The following WNT2 variants were observed in gnomAD, a reference collection of about 807,000 sequenced individuals.
The protein encoded by WNT2 is Wnt family member 2, also known as protein Wnt-2.
In WNT2, 12 loss-of-function variants were observed where a neutral mutation model predicts 36.9. That is an observed-to-expected ratio of 0.33 (90% confidence interval 0.21 to 0.53). WNT2 has a LOEUF of 0.53. Among genes scored for constraint, WNT2 ranks in the 20% least tolerant of loss-of-function variants. The probability of loss-of-function intolerance (pLI) is 0.95; values close to 1 mark genes in which losing one functional copy is unlikely to be tolerated. For missense variants in WNT2, 379 were observed against 473.1 expected, an observed-to-expected ratio of 0.80 and a Z score of 1.84; for synonymous variants, 163 against 174.6, an observed-to-expected ratio of 0.93 and a Z score of 0.52.
At chr7:117,321,262 A>T (rs577357446) in intron 1 of WNT2, among the ~76,000 whole-genome samples, 2 of 152,152 alleles carry the variant, frequency 1.3e-5, no homozygotes, top group African/African-American at 2.4e-5. Context: ...TGTCTTAAAA[A>T]CTGTCTGTAT....
intron 4 of WNT2, among the ~76,000 whole-genome samples, chr7:117,288,814 G>A (rs1460736329): frequency 2.6e-5 from 4 of 151,854 alleles, no homozygotes. Flanking sequence ...TAAAAATATA[G>A]TAATTCTACT....
chr7:117,293,639 G>A (rs545449206), intron 4 of WNT2, among the ~76,000 whole-genome samples: 1 of 152,222 alleles, frequency 6.6e-6, no homozygotes, highest in East Asian at 1.9e-4. Context: ...CTTTTGACTT[G>A]TTTTGGAGCC....
At chr7:117,320,173 A>G (rs1235239072) in intron 2 of WNT2, among the ~76,000 whole-genome samples, 2 of 152,224 alleles carry the variant, frequency 1.3e-5, no homozygotes, top group Non-Finnish European at 2.9e-5. Context: ...AGATTTGAAG[A>G]TTCTATGCTG....
chr7:117,320,731 C>T lies in WNT2; in HGVS notation c.146G>A (p.Ser49Asn). 1.2e-6 allele frequency: 2 copies of T among 1,613,882 alleles called. No individual in the cohort carries two copies. The highest frequency in any genetic ancestry group is 1.1e-5 in the South Asian group (1 of 91,016). The stretch of plus-strand genomic sequence containing the variant: ...TCGGTGACACAGCTGCCGCTGGCTG[C>T]TCACCAGGCCTGGCACATTATCGCA... Reference protein sequence around the residue: ...VMCDNVPGLVSSQRQLCHRHP... With the variant: ...VMCDNVPGLVNSQRQLCHRHP... The change falls in exon 2 of 5, where the codon AGC (serine) becomes AAC (asparagine). Residue 49 changes from serine (S) to asparagine (N), a missense_variant. Physicochemically the swap from Ser to Asn is conservative, Grantham distance 46 (BLOSUM62 1). Transcript: ENST00000265441.
At chr7:117,292,265 A>G (rs920756790) in intron 4 of WNT2, among the ~76,000 whole-genome samples, 14 of 151,868 alleles carry the variant, frequency 9.2e-5, no homozygotes, top group Non-Finnish European at 1.8e-4. Flanking sequence ...CTGCCTCTTC[A>G]TCACACAGGA....
intron 4 of WNT2, among the ~76,000 whole-genome samples, chr7:117,289,520 G>A (rs888901209): frequency 6.6e-6 from 1 of 152,222 alleles, no homozygotes; most frequent in Non-Finnish European, 1.5e-5. Context: ...GCAGTGCTGG[G>A]TGGAGATGTG....
chr7:117,291,952 T>C (rs544995784), intron 4 of WNT2, among the ~76,000 whole-genome samples: 107 of 152,008 alleles, frequency 7.0e-4, no homozygotes, highest in Non-Finnish European at 1.0e-3. Flanking sequence ...TAATTTTGTA[T>C]TTTTAGTAGA....
intron 4 of WNT2, among the ~76,000 whole-genome samples, chr7:117,285,594 C>T (rs970104332): frequency 6.6e-6 from 1 of 152,166 alleles, no homozygotes; most frequent in African/African-American, 2.4e-5. Flanking sequence ...ACAAGTGTAG[C>T]TGGCTCTTAA....
At chr7:117,289,214 C>T (rs1490637268) in intron 4 of WNT2, among the ~76,000 whole-genome samples, 4 of 151,960 alleles carry the variant, frequency 2.6e-5, no homozygotes, top group Admixed American at 6.6e-5. Flanking sequence ...CCCACCACAA[C>T]GCCCGGCTAA....
At chr7:117,313,413 G>A (rs1284446068) in intron 3 of WNT2, among the ~76,000 whole-genome samples, 9 of 152,152 alleles carry the variant, frequency 5.9e-5, no homozygotes, top group Non-Finnish European at 1.3e-4. Flanking sequence ...AATATCTGAG[G>A]CCTGACAGCT....
chr7:117,305,098 CT>C (rs1443747226), intron 3 of WNT2, among the ~76,000 whole-genome samples: 1 of 152,160 alleles, frequency 6.6e-6, no homozygotes, highest in African/African-American at 2.4e-5. Flanking sequence ...GTGAATCTGC[CT>C]GGCTCAGGGT....
At chr7:117,319,522 TGGG>T (rs67181334) in intron 2 of WNT2, among the ~76,000 whole-genome samples, 208 of 122,268 alleles carry the variant, frequency 1.7e-3, no homozygotes, top group Admixed American at 4.9e-3. Context: ...TCTTAGGAAT[TGGG>T]GGGGGGGGTA....
intron 3 of WNT2, among the ~76,000 whole-genome samples, chr7:117,309,500 A>G (rs1410993753): frequency 2.6e-5 from 4 of 152,200 alleles, no homozygotes; most frequent in Non-Finnish European, 4.4e-5. Flanking sequence ...GATGATTTCA[A>G]TGAGCAAATA....
intron 4 of WNT2, among the ~76,000 whole-genome samples, chr7:117,293,225 G>C (rs571370851): frequency 1.3e-5 from 2 of 152,254 alleles, no homozygotes; most frequent in South Asian, 4.1e-4. Context: ...AAGTAGACCA[G>C]ACCTGTAGAC....
intron 3 of WNT2, among the ~76,000 whole-genome samples, chr7:117,309,558 C>A (rs530988512): frequency 6.6e-6 from 1 of 152,334 alleles, no homozygotes; most frequent in Admixed American, 6.5e-5. Flanking sequence ...ACCTCAGTCT[C>A]CTCATATGCA....
At chr7:117,287,358 A>G (rs1342077474) in intron 4 of WNT2, among the ~76,000 whole-genome samples, 1 of 152,012 alleles carries the variant, frequency 6.6e-6, no homozygotes, top group African/African-American at 2.4e-5. Flanking sequence ...AAAAACAAAA[A>G]CAAAAAGTTA....
intron 4 of WNT2, among the ~76,000 whole-genome samples, chr7:117,292,510 A>G (rs753958576): frequency 6.6e-6 from 1 of 152,188 alleles, no homozygotes; most frequent in Non-Finnish European, 1.5e-5. Flanking sequence ...CCTGACTCGC[A>G]GCAGGAAATC....
intron 3 of WNT2, among the ~76,000 whole-genome samples, chr7:117,310,176 A>G (rs993944239): frequency 1.1e-4 from 16 of 152,218 alleles, no homozygotes; most frequent in African/African-American, 3.9e-4. Context: ...TAACAAATGC[A>G]TGAAAATTAA....
chr7:117,300,105 G>A (rs2116360718), intron 3 of WNT2, among the ~76,000 whole-genome samples: 1 of 152,240 alleles, frequency 6.6e-6, no homozygotes, highest in South Asian at 2.1e-4. Flanking sequence ...AGCATGTGCT[G>A]ATTCAGTTTG....
Sources: gnomAD v4.1 joint callset for allele counts (sites outside exome capture counted in the v4.1 genomes callset) on GRCh38, gnomAD v4.1.1 for gene constraint, MANE v1.5 for transcripts, NCBI Gene and HGNC (gene_info 2026-07-23, HGNC 2026-07-21) for gene names.